Variants in GALNTL6 observed in about 807,000 individuals in gnomAD.
GALNTL6 encodes polypeptide N-acetylgalactosaminyltransferase-like 6.
Under a neutral mutation model 73.7 loss-of-function variants are expected in GALNTL6, and 46 were observed. The ratio of observed to expected loss-of-function variants is 0.62; its 90% CI spans 0.49 to 0.80. GALNTL6 has a LOEUF of 0.80. Ranked by LOEUF, GALNTL6 falls within the 30% of genes least tolerant of loss-of-function variation. GALNTL6 has a pLI of 0.00. For synonymous variants in GALNTL6, 259 were observed against 263.7 expected (o/e 0.98, Z 0.17); for missense variants, 604 against 755.0 (o/e 0.80, Z 2.34).
At chr4:171,814,379 T>G (rs1260954481) in intron 1 of GALNTL6, 33 bp from the exon 2 acceptor site, 1 of 602,482 alleles carries the variant, frequency 1.7e-6, no homozygotes, top group Non-Finnish European at 2.9e-6. Flanking sequence ...CATAGTTTTC[T>G]GGGGGGAAAG....
intron 2 of GALNTL6, among the ~76,000 whole-genome samples, chr4:172,026,195 T>A (rs1425034856): frequency 2.0e-5 from 3 of 146,418 alleles, no homozygotes; most frequent in Non-Finnish European, 4.5e-5. Context: ...AATATTGCAT[T>A]TGTTTCAATT....
At chr4:171,850,719 A>G (rs780438695) in intron 2 of GALNTL6, among the ~76,000 whole-genome samples, 1 of 152,142 alleles carries the variant, frequency 6.6e-6, no homozygotes, top group Non-Finnish European at 1.5e-5. Flanking sequence ...CTAAACTCCA[A>G]AACAAAGAGG....
intron 2 of GALNTL6, among the ~76,000 whole-genome samples, chr4:171,990,018 G>C (rs1236088962): frequency 6.6e-6 from 1 of 152,134 alleles, no homozygotes. Context: ...ACAGTAAGCT[G>C]GACCAGGTGT....
At chr4:172,805,131 G>T (rs1342610190) in intron 5 of GALNTL6, among the ~76,000 whole-genome samples, 4 of 152,076 alleles carry the variant, frequency 2.6e-5, no homozygotes, top group Admixed American at 6.6e-5. Flanking sequence ...GGAAAATGAG[G>T]TCATATGGTG....
chr4:171,921,739 C>G (rs1363688525), intron 2 of GALNTL6, among the ~76,000 whole-genome samples: 5 of 152,022 alleles, frequency 3.3e-5, no homozygotes, highest in Non-Finnish European at 4.4e-5. Flanking sequence ...TTCAAAGGAG[C>G]TTTAAGATAC....
At chr4:172,421,196 AG>A (rs1180441461) in intron 5 of GALNTL6, among the ~76,000 whole-genome samples, 1 of 152,150 alleles carries the variant, frequency 6.6e-6, no homozygotes, top group South Asian at 2.1e-4. Flanking sequence ...AAAAAATGGC[AG>A]GATATCTCTA....
chr4:172,060,123 G>A (rs1731151259), intron 2 of GALNTL6, among the ~76,000 whole-genome samples: 1 of 151,970 alleles, frequency 6.6e-6, no homozygotes, highest in African/African-American at 2.4e-5. Context: ...TTCACCAGGA[G>A]AGAAAAAATG....
At chr4:172,802,521 C>T (rs185209541) in intron 5 of GALNTL6, among the ~76,000 whole-genome samples, 32 of 152,214 alleles carry the variant, frequency 2.1e-4, no homozygotes, top group African/African-American at 7.5e-4. Flanking sequence ...GGGGGCCGGG[C>T]GCAGTGGCTC....
At chr4:171,908,896 A>T (rs1737384411) in intron 2 of GALNTL6, among the ~76,000 whole-genome samples, 2 of 150,522 alleles carry the variant, frequency 1.3e-5, no homozygotes, top group Admixed American at 1.3e-4. Context: ...TTGCAAGAAC[A>T]AAAAACCAAA....
intron 5 of GALNTL6, among the ~76,000 whole-genome samples, chr4:172,592,670 G>GCCTA (rs1553963438): frequency 7.0e-6 from 1 of 141,976 alleles, no homozygotes; most frequent in Non-Finnish European, 1.5e-5. Flanking sequence ...CTGTCTGTCT[G>GCCTA]TCTATCTATC....
chr4:172,828,305 AC>A (rs1174645875), intron 7 of GALNTL6, among the ~76,000 whole-genome samples: 2 of 151,558 alleles, frequency 1.3e-5, no homozygotes, highest in African/African-American at 2.4e-5. Context: ...AACAAAAAAA[AC>A]ATTGAAGTGC....
intron 2 of GALNTL6, among the ~76,000 whole-genome samples, chr4:171,896,653 C>G (rs568612501): frequency 6.6e-6 from 1 of 152,138 alleles, no homozygotes; most frequent in East Asian, 1.9e-4. Context: ...TGGCCTCTTT[C>G]GTAACACTAA....
chr4:172,371,285 A>C (rs116738717), intron 5 of GALNTL6, among the ~76,000 whole-genome samples: 3,389 of 152,260 alleles, frequency 0.022, 65 homozygotes, highest in Middle Eastern at 0.044. Context: ...TCCTATGGTA[A>C]TTAATTAAGA....
intron 5 of GALNTL6, among the ~76,000 whole-genome samples, chr4:172,435,217 A>G (rs1462824461): frequency 2.0e-5 from 3 of 152,070 alleles, no homozygotes; most frequent in Admixed American, 2.0e-4. Context: ...CTACTTTTAA[A>G]TTTGCTCTCA....
intron 5 of GALNTL6, among the ~76,000 whole-genome samples, chr4:172,563,189 C>G (rs1233850712): frequency 6.6e-6 from 1 of 152,214 alleles, no homozygotes; most frequent in Non-Finnish European, 1.5e-5. Context: ...CCTGTCAATA[C>G]TAGGAGACAC....
intron 5 of GALNTL6, among the ~76,000 whole-genome samples, chr4:172,799,216 C>A (rs1740462591): frequency 6.6e-6 from 1 of 152,168 alleles, no homozygotes; most frequent in African/African-American, 2.4e-5. Flanking sequence ...CAGGGAAGAA[C>A]TGGCACAGAC....
chr4:172,424,691 A>G (rs143690541), intron 5 of GALNTL6, among the ~76,000 whole-genome samples: 1 of 152,182 alleles, frequency 6.6e-6, no homozygotes, highest in East Asian at 1.9e-4. Flanking sequence ...CCTGATATCA[A>G]TATCCAACTG....
intron 5 of GALNTL6, among the ~76,000 whole-genome samples, chr4:172,720,876 T>C (rs1377197850): frequency 6.6e-6 from 1 of 152,200 alleles, no homozygotes; most frequent in African/African-American, 2.4e-5. Context: ...GTTTTATCCT[T>C]TGGGAGAACC....
At chr4:172,582,592 A>G (rs1187583683) in intron 5 of GALNTL6, among the ~76,000 whole-genome samples, 2 of 152,206 alleles carry the variant, frequency 1.3e-5, no homozygotes, top group African/African-American at 4.8e-5. Flanking sequence ...TGTATAATGC[A>G]CTAAAAACAT....
Sources: allele counts gnomAD v4.1 joint callset (sites outside exome capture counted in the v4.1 genomes callset), GRCh38; gene constraint gnomAD v4.1.1; transcripts MANE v1.5; gene names NCBI Gene and HGNC (gene_info 2026-07-23, HGNC 2026-07-21).